Variants in LRRC4C observed in about 807,000 individuals in gnomAD.
LRRC4C encodes leucine-rich repeat-containing protein 4C.
In LRRC4C, 5 loss-of-function variants were observed where a neutral mutation model predicts 33.6. The ratio of observed to expected loss-of-function variants is 0.15; its 90% CI spans 0.08 to 0.31. The LOEUF (loss-of-function observed/expected upper bound fraction) is 0.31. Among genes scored for constraint, LRRC4C ranks in the 10% least tolerant of loss-of-function variants. LRRC4C has a pLI of 1.00. For synonymous variants in LRRC4C, 329 were observed against 302.0 expected, an observed-to-expected ratio of 1.09 and a Z score of -0.93; for missense variants, 560 against 796.7, an observed-to-expected ratio of 0.70 and a Z score of 3.58.
intron 1 of LRRC4C, among the ~76,000 whole-genome samples, chr11:41,451,660 C>A (rs1956030010): frequency 6.6e-6 from 1 of 152,028 alleles, no homozygotes; most frequent in Admixed American, 6.6e-5. Flanking sequence ...TATTCATGAG[C>A]AAAACAGACC....
At chr11:41,366,404 G>A (rs1269840212) in intron 1 of LRRC4C, among the ~76,000 whole-genome samples, 3 of 152,020 alleles carry the variant, frequency 2.0e-5, no homozygotes, top group South Asian at 4.1e-4. Flanking sequence ...TTAACCAAAA[G>A]CAAAGACAAC....
chr11:40,136,392 G>T (rs942298839), intron 6 of LRRC4C, among the ~76,000 whole-genome samples: 1 of 151,514 alleles, frequency 6.6e-6, no homozygotes, highest in African/African-American at 2.4e-5. Context: ...TCAGCCTCCC[G>T]AGTAGCTGGG....
intron 1 of LRRC4C, among the ~76,000 whole-genome samples, chr11:41,023,106 A>C (rs1856096444): frequency 6.6e-6 from 1 of 151,996 alleles, no homozygotes; most frequent in Non-Finnish European, 1.5e-5. Context: ...GAAGGACATA[A>C]GAGAACATCA....
intron 3 of LRRC4C, among the ~76,000 whole-genome samples, chr11:40,616,606 T>C (rs1027942173): frequency 1.3e-5 from 2 of 151,828 alleles, no homozygotes; most frequent in African/African-American, 4.8e-5. Context: ...TCATGTCCTT[T>C]GTAGGGACAT....
In LRRC4C at chr11:41,224,040, C is replaced by A. The variant is rs530979955; in HGVS notation, c.-496+235391G>T. Among the ~76,000 whole-genome samples the A allele has an allele frequency of 2.0e-5, 3 of 152,246 alleles. No homozygotes were observed. The East Asian group carries it at 5.8e-4, about 29-fold the overall frequency. On this transcript the variant is annotated intron_variant, in intron 1 of 6. Coordinates refer to ENST00000528697, the MANE Select transcript of LRRC4C (RefSeq NM_001258419.2). ...CACAGTGAAATCCACCAATATAATG[C>A]TTTTTCATAATTCCTAGTGTGTTAG...
At chr11:40,592,826 G>A (rs759262808) in intron 3 of LRRC4C, among the ~76,000 whole-genome samples, 2 of 152,148 alleles carry the variant, frequency 1.3e-5, no homozygotes, top group South Asian at 2.1e-4. Flanking sequence ...ACATGAACCA[G>A]CTCTACTGGG....
At chr11:40,391,668 T>C (rs1237667771) in intron 3 of LRRC4C, among the ~76,000 whole-genome samples, 1 of 152,186 alleles carries the variant, frequency 6.6e-6, no homozygotes, top group Non-Finnish European at 1.5e-5. Context: ...TGATAGATCA[T>C]TATAGCATCA....
chr11:40,750,751 A>G (rs1203022020), intron 2 of LRRC4C, among the ~76,000 whole-genome samples: 1 of 151,536 alleles, frequency 6.6e-6, no homozygotes, highest in Non-Finnish European at 1.5e-5. Flanking sequence ...ATGTATACAT[A>G]TGTAACAAAC....
At chr11:41,410,761 C>CA (rs1264949678) in intron 1 of LRRC4C, among the ~76,000 whole-genome samples, 1 of 151,992 alleles carries the variant, frequency 6.6e-6, no homozygotes, top group African/African-American at 2.4e-5. Flanking sequence ...TTTTATGGAA[C>CA]AACACCCGTT....
intron 1 of LRRC4C, among the ~76,000 whole-genome samples, chr11:41,423,086 C>G (rs1455005179): frequency 9.9e-5 from 15 of 152,030 alleles, no homozygotes; most frequent in Non-Finnish European, 8.8e-5. Flanking sequence ...TGTAATGATA[C>G]CCAGTAATAG....
chr11:40,136,612 C>G (rs1389583760), intron 6 of LRRC4C, among the ~76,000 whole-genome samples: 2 of 152,014 alleles, frequency 1.3e-5, no homozygotes, highest in African/African-American at 4.8e-5. Flanking sequence ...TCGCTTCAAT[C>G]CCAAGGCTAC....
intron 1 of LRRC4C, among the ~76,000 whole-genome samples, chr11:41,440,589 A>G (rs1955585018): frequency 6.6e-6 from 1 of 152,206 alleles, no homozygotes; most frequent in African/African-American, 2.4e-5. Flanking sequence ...TCTCCAGCTT[A>G]AAGATTCCAT....
intron 3 of LRRC4C, among the ~76,000 whole-genome samples, chr11:40,555,723 C>T (rs970412940): frequency 9.9e-5 from 15 of 152,082 alleles, no homozygotes; most frequent in Non-Finnish European, 2.1e-4. Context: ...GTATATTTTT[C>T]GTGACATCCA....
At chr11:40,487,416 C>T (rs557462621) in intron 3 of LRRC4C, among the ~76,000 whole-genome samples, 1 of 152,114 alleles carries the variant, frequency 6.6e-6, no homozygotes, top group East Asian at 1.9e-4. Flanking sequence ...AGAAATATGT[C>T]AGCATTCAAA....
At chr11:40,781,307 G>C (rs965259292) in intron 2 of LRRC4C, among the ~76,000 whole-genome samples, 1 of 151,994 alleles carries the variant, frequency 6.6e-6, no homozygotes, top group Non-Finnish European at 1.5e-5. Flanking sequence ...CAGCATATGT[G>C]TGTGTACATA....
intron 1 of LRRC4C, among the ~76,000 whole-genome samples, chr11:41,200,666 C>T (rs553958509): frequency 3.4e-4 from 52 of 152,170 alleles, no homozygotes; most frequent in Non-Finnish European, 6.5e-4. Flanking sequence ...CTTAAAACCA[C>T]TGTGTTTTCT....
At chr11:41,259,665 T>C (rs771580367) in intron 1 of LRRC4C, among the ~76,000 whole-genome samples, 4 of 152,026 alleles carry the variant, frequency 2.6e-5, no homozygotes, top group Non-Finnish European at 5.9e-5. Flanking sequence ...AAGTATGGCC[T>C]GTTGTAAGTT....
intron 2 of LRRC4C, among the ~76,000 whole-genome samples, chr11:40,695,173 T>C (rs1156334979): frequency 3.3e-5 from 5 of 152,210 alleles, no homozygotes; most frequent in Admixed American, 6.5e-5. Flanking sequence ...TAATCCATTA[T>C]GCTTGTGGTG....
intron 1 of LRRC4C, among the ~76,000 whole-genome samples, chr11:41,400,379 A>G (rs1953979687): frequency 3.3e-5 from 5 of 151,634 alleles, no homozygotes; most frequent in Admixed American, 3.3e-4. Context: ...CTTTTCTCCT[A>G]CCCCGTGATA....
Sources: gnomAD v4.1 joint callset for allele counts (sites outside exome capture counted in the v4.1 genomes callset) on GRCh38, gnomAD v4.1.1 for gene constraint, MANE v1.5 for transcripts, NCBI Gene and HGNC (gene_info 2026-07-23, HGNC 2026-07-21) for gene names.